Variants in NOL12 observed in about 807,000 individuals in gnomAD.
NOL12 encodes nucleolar protein 12.
In NOL12, 21 loss-of-function variants were observed where a neutral mutation model predicts 25.2. The observed-to-expected ratio is 0.83, with a 90% CI of 0.59 to 1.20. The LOEUF (loss-of-function observed/expected upper bound fraction) is 1.20. Ranked by LOEUF, NOL12 falls within the 50% of genes most tolerant of loss-of-function variation. The probability of loss-of-function intolerance (pLI) is 0.00; values close to 1 mark genes in which losing one functional copy is unlikely to be tolerated. For synonymous variants in NOL12, 133 were observed against 113.8 expected, an observed-to-expected ratio of 1.17 and a Z score of -1.08; for missense variants, 286 against 287.6, an observed-to-expected ratio of 0.99 and a Z score of 0.04.
At position 37,693,004 on chromosome 22, in the gene NOL12, C is replaced by A. The variant is rs571258598; in HGVS notation, c.*1668C>A. 889 of 307,718 alleles carry A rather than the reference C, an allele frequency of 2.9e-3. 4 individuals carry two copies. The highest frequency in any genetic ancestry group is 0.011 in the Middle Eastern group (13 of 1,146). The allele number at this position is 307,718 out of a possible 1,614,324, so 19.1% of individuals were successfully genotyped here. A position where few individuals can be genotyped will look rare whatever the true frequency, so the allele number is the denominator to read the frequency against. On this transcript the variant is annotated 3_prime_UTR_variant, in exon 6 of 6. Coordinates refer to ENST00000359114, the MANE Select transcript of NOL12 (RefSeq NM_024313.3). ...TCCGCCCACCTGCTCTCCCTGCCAC[C>A]AAGTTGTCTTCCCCGGGTGGCATGT...
chr22:37,688,015 G>T lies in NOL12; in HGVS notation c.189G>T (p.Glu63Asp). ...LKEEQRKLRE[E>D]RHQEYLKMLA... ...AGGAGCAGAGGAAGCTTCGGGAGGA[G>T]GTACGCAGGGGGAAGGTGGGAGGGA... Residue 63 changes from glutamate to aspartate, a missense_variant and splice_region_variant, in exon 2 of 6, where the codon GAG (glutamate) becomes GAT (aspartate). Transcript: ENST00000359114. The T allele has an allele frequency of 6.4e-7, 1 of 1,560,622 alleles. No homozygotes were observed. The highest frequency in any genetic ancestry group is 1.2e-5 in the South Asian group (1 of 84,648).
At chr22:37,690,964 G>A (rs1922039974) in intron 5 of NOL12, 170 bp downstream of exon 5, 4 of 684,704 alleles carry the variant, frequency 5.8e-6, no homozygotes, top group Non-Finnish European at 9.9e-6. Context: ...CCCTGATAGT[G>A]TCTGACCTCC....
In NOL12 at chr22:37,686,470, G is replaced by C. The variant is rs1362379597; in HGVS notation, c.78G>C (p.Lys26Asn). ...TCGTTCTTAGCTTCGACGAGGAGAA[G>C]AGGCGGTGAGTGGCAAAGCCGGACC... ...PRLVLSFDEE[K>N]RREYLTGFHK... is the part of the protein sequence containing the mutation. The change falls in exon 1 of 6, where the codon AAG becomes AAC. Residue 26 changes from lysine to asparagine, a missense_variant. Lys to Asn is a moderately conservative substitution (Grantham distance 94). Transcript: ENST00000359114. The C allele has an allele frequency of 5.0e-6, 8 of 1,599,976 alleles. No homozygotes were observed. In the South Asian group the frequency reaches 9.0e-5, roughly 18 times the overall value.
Position 37,687,982 on chromosome 22 carries a change from G to A in NOL12, c.156G>A (p.Arg52=). ...CAGCCATTGAGGAGATTAAGCAGCGGCTGAAAGAGGAGCAGAGGAAGCTTC... is the reference window on the plus strand; with the variant it reads ...CAGCCATTGAGGAGATTAAGCAGCGACTGAAAGAGGAGCAGAGGAAGCTTC... ...KKAAIEEIKQ[R]LKEEQRKLRE... Residue 52 remains arginine, a synonymous_variant, in exon 2 of 6, where the codon CGG becomes CGA. Coordinates refer to ENST00000359114, the MANE Select transcript of NOL12 (RefSeq NM_024313.3). 3.2e-6 allele frequency: 5 copies of A among 1,586,806 alleles called. No individual in the cohort carries two copies. The highest frequency in any genetic ancestry group is 4.3e-6 in the Non-Finnish European group (5 of 1,166,678).
intron 1 of NOL12, 145 bp downstream of exon 1, chr22:37,686,620 C>G (rs1921827421): frequency 7.3e-7 from 1 of 1,370,490 alleles, no homozygotes; most frequent in Non-Finnish European, 9.4e-7. Flanking sequence ...TTCCAGCCCG[C>G]GTTCCCGCTT....
In NOL12 at chr22:37,690,783, GCT is replaced by G; in HGVS notation, c.474_475del (p.Gln159AlafsTer86). The stretch of plus-strand genomic sequence containing the variant: ...TGCCCAGGAAGTCCAGAGACCCCCT[GCT>G]CTCTCAGCGGTGAGTCTTGGCCTGC... ...ALPRKSRDPL[L>X]SQRISSLTAS... On this transcript the variant is annotated frameshift_variant, in exon 5 of 6. Coordinates refer to ENST00000359114, the MANE Select transcript of NOL12 (RefSeq NM_024313.3). LOFTEE classifies it high-confidence loss of function. 1.2e-6 allele frequency: 2 copies of G among 1,613,150 alleles called. No individual in the cohort carries two copies. The highest frequency in any genetic ancestry group is 8.5e-7 in the Non-Finnish European group (1 of 1,179,228).
chr22:37,688,272 G>C, intron 2 of NOL12, 40 bp from the exon 3 acceptor site: 1 of 1,607,270 alleles, frequency 6.2e-7, no homozygotes, highest in Non-Finnish European at 8.5e-7. Flanking sequence ...GTTGGACTGA[G>C]AGGCCATACT....
At position 37,693,215 on chromosome 22, in the gene NOL12, T is replaced by C. The variant is rs1922147030; in HGVS notation, c.*1879T>C. On this transcript the variant is annotated 3_prime_UTR_variant, in exon 6 of 6. Coordinates refer to ENST00000359114, the MANE Select transcript of NOL12 (RefSeq NM_024313.3). Reference sequence around the variant, plus strand: ...CATGAGCTTCTGCTGTGCTGACCTCTCTGGTTTGTCTCGTCATGTGTAAGG... The same window carrying C: ...CATGAGCTTCTGCTGTGCTGACCTCCCTGGTTTGTCTCGTCATGTGTAAGG... The C allele has an allele frequency of 6.5e-6, 1 of 152,976 alleles. No homozygotes were observed. The highest frequency in any genetic ancestry group is 6.5e-5 in the Admixed American group (1 of 15,294). 9.5% of individuals were successfully genotyped at this position (152,976 alleles called of 1,614,324 possible).
chr22:37,689,252 G>A (rs1050447037), intron 4 of NOL12, among the ~76,000 whole-genome samples: 2 of 152,240 alleles, frequency 1.3e-5, no homozygotes, highest in African/African-American at 2.4e-5. Context: ...AGCGGCTGAG[G>A]AGCTTGGGCA....
chr22:37,687,263 C>T (rs770965700), intron 1 of NOL12, among the ~76,000 whole-genome samples: 1 of 136,564 alleles, frequency 7.3e-6, no homozygotes, highest in African/African-American at 2.6e-5. Flanking sequence ...GTGTGGCCCC[C>T]CCCCCCACCC....
chr22:37,689,752 G>T (rs1428076351), intron 4 of NOL12, among the ~76,000 whole-genome samples: 1 of 152,248 alleles, frequency 6.6e-6, no homozygotes, highest in Admixed American at 6.5e-5. Flanking sequence ...TCAGGGCCAG[G>T]CATGGTGGCT....
intron 3 of NOL12, among the ~76,000 whole-genome samples, chr22:37,688,602 A>C (rs966144273): frequency 1.3e-5 from 2 of 152,160 alleles, no homozygotes; most frequent in South Asian, 4.1e-4. Context: ...GGAAAGGACT[A>C]GGGGTGGAGG....
intron 4 of NOL12, among the ~76,000 whole-genome samples, chr22:37,689,765 C>T (rs1410030525): frequency 3.9e-5 from 6 of 152,182 alleles, no homozygotes; most frequent in Non-Finnish European, 4.4e-5. Flanking sequence ...TGGTGGCTCA[C>T]GCCTGTAATC....
intron 1 of NOL12, chr22:37,686,899 G>A (rs1921839804): frequency 1.0e-6 from 1 of 985,352 alleles, no homozygotes; most frequent in Non-Finnish European, 1.2e-6. Flanking sequence ...TCAGGAAGCA[G>A]AACCTCTGAG....
chr22:37,688,873 T>G lies in NOL12; in HGVS notation c.262T>G (p.Leu88Val), dbSNP rs760095333. 3.7e-6 allele frequency: 6 copies of G among 1,613,790 alleles called. No homozygotes were observed. In the Admixed American group the frequency reaches 1.0e-4, roughly 27 times the overall value. The change falls in exon 4 of 6, where the codon TTG (leucine) becomes GTG (valine). Residue 88 changes from leucine (L) to valine (V), a missense_variant. By Grantham distance (32) the Leu-to-Val change is conservative (BLOSUM62 1). Coordinates refer to ENST00000359114, the MANE Select transcript of NOL12 (RefSeq NM_024313.3). ...ALEEADELDR[L>V]VTAKTESVQY... is the part of the protein sequence containing the mutation. ...AGAGGAGGCAGATGAGCTGGACCGG[T>G]TGGTGACAGCAAAGACGGAGTCGGT...
Position 37,691,650 on chromosome 22 carries a change from G to T in NOL12, c.*314G>T. 1 of 186,158 alleles carries T rather than the reference G, an allele frequency of 5.4e-6. No individual in the cohort carries two copies. Among genetic ancestry groups the T allele is most frequent in the Non-Finnish European group, 9.6e-6 (1 of 103,908 alleles). 11.5% of individuals were successfully genotyped at this position (186,158 alleles called of 1,614,324 possible). On this transcript the variant is annotated 3_prime_UTR_variant, in exon 6 of 6. Coordinates refer to ENST00000359114, the MANE Select transcript of NOL12 (RefSeq NM_024313.3). ...AGATTTGTGCGCTTGTGATTTGTTT[G>T]TCCTTGATACCACGCACAAGGGCAG... is the stretch of plus-strand genomic sequence containing the variant.
intron 4 of NOL12, among the ~76,000 whole-genome samples, chr22:37,690,342 A>G (rs1051399654): frequency 6.6e-6 from 1 of 152,202 alleles, no homozygotes; most frequent in East Asian, 1.9e-4. Context: ...AAAACAAAAC[A>G]AAACAAAACC....
At position 37,690,746 on chromosome 22, in the gene NOL12, C is replaced by G. The variant is rs375893771; in HGVS notation, c.431C>G (p.Pro144Arg). ...GAGGAGGCGTCATCCACGGAGAAAC[C>G]AACCAAAGCCTTGCCCAGGAAGTCC... ...SEEEASSTEK[P>R]TKALPRKSRD... is the part of the protein sequence containing the mutation. The change falls in exon 5 of 6, where the codon CCA (proline) becomes CGA (arginine). Residue 144 changes from proline (P) to arginine (R), a missense_variant. Physicochemically the swap from Pro to Arg is moderately radical, Grantham distance 103. Transcript: ENST00000359114. The G allele has an allele frequency of 8.4e-5, 136 of 1,613,826 alleles. No individual in the cohort carries two copies. Among genetic ancestry groups the G allele is most frequent in the Non-Finnish European group, 1.0e-4 (122 of 1,179,900 alleles).
rs1337099357 is a variant in NOL12 at position 37,686,528 on chromosome 22, G to C, written c.83+53G>C. Reference sequence around the variant, plus strand: ...CCTCGAGCTGTTCTTCGCGGCCAAGGCCAGGTCTGGGGCCGAGCACGCTCC... The same window carrying C: ...CCTCGAGCTGTTCTTCGCGGCCAAGCCCAGGTCTGGGGCCGAGCACGCTCC... On this transcript the variant is annotated intron_variant, in intron 1 of 5. Coordinates refer to ENST00000359114, the MANE Select transcript of NOL12 (RefSeq NM_024313.3). 3.9e-6 allele frequency: 6 copies of C among 1,528,154 alleles called. No individual in the cohort carries two copies. The African/African-American group carries it at 8.4e-5, about 21-fold the overall frequency. 94.7% of individuals were successfully genotyped at this position (1,528,154 alleles called of 1,614,324 possible). A position where few individuals can be genotyped will look rare whatever the true frequency, so the allele number is the denominator to read the frequency against.
Sources: gnomAD v4.1 joint callset for allele counts (sites outside exome capture counted in the v4.1 genomes callset) on GRCh38, gnomAD v4.1.1 for gene constraint, MANE v1.5 for transcripts, NCBI Gene and HGNC (gene_info 2026-07-23, HGNC 2026-07-21) for gene names.